PRELID2: variants seen among roughly 807,000 people sequenced by gnomAD.
PRELID2 encodes the protein PRELI domain containing 2, also known as PRELI domain-containing protein 2.
A neutral mutation model predicts 28.4 loss-of-function variants in PRELID2; 25 were observed. That is an observed-to-expected ratio of 0.88 (90% CI 0.64 to 1.23). The LOEUF is 1.23. PRELID2 is among the 50% of genes most tolerant of loss of function. The probability of loss-of-function intolerance (pLI) is 0.00; values close to 1 mark genes in which losing one functional copy is unlikely to be tolerated. For synonymous variants in PRELID2, 76 were observed against 71.6 expected (o/e 1.06, Z -0.31); for missense variants, 201 against 214.4 (o/e 0.94, Z 0.39).
chr5:145,576,212 TA>T (rs1446450510), intron 1 of PRELID2, among the ~76,000 whole-genome samples: 5 of 152,160 alleles, frequency 3.3e-5, no homozygotes, highest in Non-Finnish European at 7.3e-5. Flanking sequence ...ATCACTATGT[TA>T]AACTTTAAAA....
At chr5:145,557,295 C>T (rs1161975502) in intron 1 of PRELID2, among the ~76,000 whole-genome samples, 2 of 152,148 alleles carry the variant, frequency 1.3e-5, no homozygotes, top group African/African-American at 2.4e-5. Flanking sequence ...GTCAGGCATG[C>T]TTATGAAAGG....
At chr5:145,796,774 C>T (rs1444947986) in intron 4 of PRELID2, among the ~76,000 whole-genome samples, 3 of 152,178 alleles carry the variant, frequency 2.0e-5, no homozygotes, top group Middle Eastern at 3.4e-3. Flanking sequence ...GCTGCAAAAT[C>T]TCTTTTTAAA....
the PRELID2 span, among the ~76,000 whole-genome samples, chr5:145,320,428 G>T: frequency 6.6e-6 from 1 of 152,030 alleles, no homozygotes; most frequent in Non-Finnish European, 1.5e-5. Flanking sequence ...CCGCCACTAC[G>T]CCCGGCTAAT....
rs114346230 is a variant in PRELID2 at position 145,579,505 on chromosome 5, A to G, written n.71-106190T>C. Among the ~76,000 whole-genome samples the G allele has an allele frequency of 6.5e-3, 995 of 152,212 alleles. 12 individuals are homozygous for G. Among genetic ancestry groups the G allele is most frequent in the African/African-American group, 0.023 (964 of 41,554 alleles). On this transcript the variant is annotated intron_variant and non_coding_transcript_variant, in intron 1 of 2. Coordinates refer to the PRELID2 transcript ENST00000510259. ...TGAAGTTTAAGGATACTGTAAAGCC[A>G]TGACAAGAGGAGTCAAGTTTCAGGT...
At chr5:145,264,951 G>A in the PRELID2 span, among the ~76,000 whole-genome samples, 55 of 137,290 alleles carry the variant, frequency 4.0e-4, no homozygotes, top group Middle Eastern at 8.1e-3. Flanking sequence ...TCCAACCTGG[G>A]CAACAAGAGT....
At chr5:145,231,691 C>A in the PRELID2 span, among the ~76,000 whole-genome samples, 1 of 152,192 alleles carries the variant, frequency 6.6e-6, no homozygotes, top group South Asian at 2.1e-4. Context: ...GCACGTTCAA[C>A]TTTACCATCT....
intron 1 of PRELID2, among the ~76,000 whole-genome samples, chr5:145,742,612 G>A (rs183435580): frequency 1.4e-5 from 2 of 146,232 alleles, no homozygotes; most frequent in Non-Finnish European, 3.0e-5. Flanking sequence ...CAGTTAGAAA[G>A]AGAATTTATA....
At position 145,731,083 on chromosome 5, in the gene PRELID2, G is replaced by A. The variant is rs1007900009; in HGVS notation, n.70+33848C>T. On this transcript the variant is annotated intron_variant and non_coding_transcript_variant, in intron 1 of 2. Coordinates refer to the PRELID2 transcript ENST00000510259. ...CTCAGGTTTTAACTAAAGAAAACCT[G>A]TCTTTAACTGCCAGCTGCATTTCGT... Among the ~76,000 whole-genome samples, 3 of 152,222 alleles carry A rather than the reference G, an allele frequency of 2.0e-5. No homozygotes were observed. In the East Asian group the frequency reaches 5.8e-4, roughly 29 times the overall value.
chr5:145,628,036 G>A (rs1362158725), intron 1 of PRELID2, among the ~76,000 whole-genome samples: 1 of 152,194 alleles, frequency 6.6e-6, no homozygotes. Context: ...TATGGAGGAA[G>A]TGGTGTCTTC....
chr5:145,369,003 C>T, the PRELID2 span, among the ~76,000 whole-genome samples: 1 of 151,412 alleles, frequency 6.6e-6, no homozygotes, highest in Non-Finnish European at 1.5e-5. Context: ...GTGTGTTGTT[C>T]CCCTCTATGT....
chr5:145,244,066 GC>G, the PRELID2 span, among the ~76,000 whole-genome samples: 1 of 152,086 alleles, frequency 6.6e-6, no homozygotes, highest in South Asian at 2.1e-4. Context: ...CAATTCTCCT[GC>G]CTCAGGCTTT....
rs146597089 is a variant in PRELID2 at position 145,624,868 on chromosome 5, A to T, written n.70+140063T>A. Among the ~76,000 whole-genome samples the T allele has an allele frequency of 3.0e-3, 457 of 152,304 alleles. 2 individuals carry two copies. Among genetic ancestry groups the T allele is most frequent in the African/African-American group, 0.011 (442 of 41,586 alleles). ...AAATTAATAGCCTTTATATCCAAAG[A>T]GCTCCTATAAATCAATGATAAAAAA... On this transcript the variant is annotated intron_variant and non_coding_transcript_variant, in intron 1 of 2. Coordinates refer to the PRELID2 transcript ENST00000510259.
At chr5:145,262,014 C>A in the PRELID2 span, among the ~76,000 whole-genome samples, 2 of 152,030 alleles carry the variant, frequency 1.3e-5, no homozygotes, top group East Asian at 3.9e-4. Flanking sequence ...ATCACTACAT[C>A]CAGAATGAAG....
chr5:145,464,322 G>A, the PRELID2 span, among the ~76,000 whole-genome samples: 1 of 152,084 alleles, frequency 6.6e-6, no homozygotes, highest in African/African-American at 2.4e-5. Flanking sequence ...AGGGAAAGGT[G>A]GAACAACTAT....
At chr5:145,231,361 A>G in the PRELID2 span, among the ~76,000 whole-genome samples, 1 of 152,148 alleles carries the variant, frequency 6.6e-6, no homozygotes. Flanking sequence ...CCTGTGCAGT[A>G]AACACTGAAC....
intron 1 of PRELID2, among the ~76,000 whole-genome samples, chr5:145,508,209 T>C (rs1752428112): frequency 6.6e-6 from 1 of 152,126 alleles, no homozygotes; most frequent in African/African-American, 2.4e-5. Context: ...TCACATTGGC[T>C]GAAAAAATCA....
intron 5 of PRELID2, among the ~76,000 whole-genome samples, chr5:145,771,204 G>A (rs1236328370): frequency 2.0e-5 from 3 of 151,840 alleles, no homozygotes; most frequent in South Asian, 4.2e-4. Context: ...AGTTATCATT[G>A]TGTTACAATT....
downstream of PRELID2, among the ~76,000 whole-genome samples, chr5:145,752,444 C>A (rs968408889): frequency 2.0e-5 from 3 of 152,264 alleles, no homozygotes; most frequent in Admixed American, 6.5e-5. Context: ...TTTTTAAGGT[C>A]TTTATGTCCA....
chr5:145,723,277 T>C (rs2149719162), intron 1 of PRELID2, among the ~76,000 whole-genome samples: 1 of 152,276 alleles, frequency 6.6e-6, no homozygotes, highest in South Asian at 2.1e-4. Flanking sequence ...AAACACACCA[T>C]GATTCTGTAG....
Sources: allele counts gnomAD v4.1 joint callset (sites outside exome capture counted in the v4.1 genomes callset), GRCh38; gene constraint gnomAD v4.1.1; transcripts MANE v1.5; gene names NCBI Gene and HGNC (gene_info 2026-07-23, HGNC 2026-07-21).